Variants in GLIS3 observed in about 807,000 individuals in gnomAD.
The protein encoded by GLIS3 is GLIS family zinc finger 3, also known as zinc finger protein GLIS3.
GLIS3 carries 53 observed loss-of-function variants against 78.6 expected under a neutral mutation model. That is an observed-to-expected ratio of 0.67 (90% CI 0.54 to 0.85). GLIS3 has a LOEUF of 0.85. GLIS3 is among the 40% of genes least tolerant of loss of function. The pLI is 0.00. For missense variants in GLIS3, 1,703 were observed against 1,231.1 expected, an observed-to-expected ratio of 1.38 and a Z score of -5.74; for synonymous variants, 684 against 509.9, an observed-to-expected ratio of 1.34 and a Z score of -4.60.
At chr9:4,462,802 C>A in the GLIS3 span, among the ~76,000 whole-genome samples, 1 of 152,074 alleles carries the variant, frequency 6.6e-6, no homozygotes, top group African/African-American at 2.4e-5. Flanking sequence ...ACAGCAAGAT[C>A]TTGCCTCAAA....
chr9:3,968,769 A>G (rs1818154398), intron 4 of GLIS3, among the ~76,000 whole-genome samples: 1 of 152,240 alleles, frequency 6.6e-6, no homozygotes, highest in Non-Finnish European at 1.5e-5. Flanking sequence ...GTAATAGTAC[A>G]TTTCATTATT....
Position 3,910,619 on chromosome 9 carries a change from G to C in GLIS3, c.1984-11784C>G, listed in dbSNP as rs564806856. On this transcript the variant is annotated intron_variant, in intron 6 of 10. Transcript: ENST00000381971. ...TCCCACTTTGGCTTCCCAAGGTGCT[G>C]AGATTACAGAGGCAGGCCAAGTTTT... Among the ~76,000 whole-genome samples, 1,114 of 152,296 alleles carry C rather than the reference G, an allele frequency of 7.3e-3. 7 individuals are homozygous for C. Among genetic ancestry groups the C allele is most frequent in the Non-Finnish European group, 0.011 (777 of 68,020 alleles).
rs117335155 is a variant in GLIS3 at position 3,840,957 on chromosome 9, G to A, written c.2474-11465C>T. On this transcript the variant is annotated intron_variant, in intron 9 of 10. Coordinates refer to ENST00000381971, the MANE Select transcript of GLIS3 (RefSeq NM_001042413.2). ...GACTTATATACTCATTTCCAGGGAC[G>A]AGGTAGCAGAGAAGGAGGAGGTTCT... Among the ~76,000 whole-genome samples, 610 of 152,182 alleles carry A rather than the reference G, an allele frequency of 4.0e-3. 6 individuals are homozygous for A. The highest frequency in any genetic ancestry group is 6.8e-3 in the Non-Finnish European group (464 of 68,006).
intron 2 of GLIS3, among the ~76,000 whole-genome samples, chr9:4,169,061 G>A (rs1658068710): frequency 6.6e-6 from 1 of 152,166 alleles, no homozygotes; most frequent in Non-Finnish European, 1.5e-5. Flanking sequence ...CTTTAATGAG[G>A]AAGATGGGAG....
the GLIS3 span, among the ~76,000 whole-genome samples, chr9:4,466,284 C>T: frequency 3.4e-4 from 51 of 152,228 alleles, no homozygotes; most frequent in African/African-American, 1.2e-3. Flanking sequence ...CTGCCCAATA[C>T]CAATAAAAGA....
intron 4 of GLIS3, among the ~76,000 whole-genome samples, chr9:4,054,950 A>G (rs1563992073): frequency 6.6e-6 from 1 of 152,200 alleles, no homozygotes; most frequent in Non-Finnish European, 1.5e-5. Context: ...CAGCAGCTAC[A>G]AATGAGCCTT....
intron 2 of GLIS3, among the ~76,000 whole-genome samples, chr9:4,197,934 G>C (rs1467551512): frequency 6.9e-6 from 1 of 144,048 alleles, no homozygotes; most frequent in Non-Finnish European, 1.6e-5. Context: ...GAAAGGGAAA[G>C]GGAGAGGGAA....
At position 4,159,030 on chromosome 9, in the gene GLIS3, G is replaced by A. The variant is rs911974068; in HGVS notation, c.389-33089C>T. 1.6e-3 allele frequency among the ~76,000 whole-genome samples: 127 copies of A among 79,044 alleles called. 1 individual carries two copies. Among genetic ancestry groups the A allele is most frequent in the Non-Finnish European group, 2.1e-3 (86 of 40,612 alleles). 51.9% of individuals were successfully genotyped at this position (79,044 alleles called of 152,430 possible). A position where few individuals can be genotyped will look rare whatever the true frequency, so the allele number is the denominator to read the frequency against. On this transcript the variant is annotated intron_variant, in intron 2 of 10. Transcript: ENST00000381971. ...GCTTGGTATGCTAGAGAAAGGAGAA[G>A]AAGAAAAAAAAAAAAAAAAGCCAGG...
intron 2 of GLIS3, among the ~76,000 whole-genome samples, chr9:4,179,271 T>C (rs1052609855): frequency 5.9e-5 from 9 of 152,206 alleles, no homozygotes; most frequent in Admixed American, 3.3e-4. Flanking sequence ...AAAAAGTTAC[T>C]CTTCTTTCCC....
At chr9:4,068,530 T>C (rs574228382) in intron 4 of GLIS3, among the ~76,000 whole-genome samples, 1 of 152,344 alleles carries the variant, frequency 6.6e-6, no homozygotes, top group South Asian at 2.1e-4. Context: ...ATATCCTTTA[T>C]AGCTATTTTC....
intron 2 of GLIS3, among the ~76,000 whole-genome samples, chr9:4,311,136 C>T (rs962669504): frequency 2.0e-5 from 3 of 152,172 alleles, no homozygotes; most frequent in Admixed American, 6.5e-5. Context: ...TGGCCAGGCG[C>T]GGTGGCTGAT....
chr9:3,990,459 T>G (rs682613), intron 4 of GLIS3, among the ~76,000 whole-genome samples: 1 of 152,002 alleles, frequency 6.6e-6, no homozygotes, highest in East Asian at 1.9e-4. Flanking sequence ...ACCAGTAGCA[T>G]TGATCAGTGA....
intron 2 of GLIS3, among the ~76,000 whole-genome samples, chr9:4,176,925 C>CT (rs1353472074): frequency 6.6e-6 from 1 of 152,222 alleles, no homozygotes; most frequent in Non-Finnish European, 1.5e-5. Context: ...TGCCCGGCCT[C>CT]TTTTACCGTA....
At chr9:4,235,711 A>G (rs1388592709) in intron 2 of GLIS3, among the ~76,000 whole-genome samples, 1 of 151,078 alleles carries the variant, frequency 6.6e-6, no homozygotes, top group Non-Finnish European at 1.5e-5. Context: ...GTATTCCCCA[A>G]GCTAGAAAAA....
At chr9:4,008,982 C>T (rs1821783669) in intron 4 of GLIS3, among the ~76,000 whole-genome samples, 1 of 152,184 alleles carries the variant, frequency 6.6e-6, no homozygotes, top group Non-Finnish European at 1.5e-5. Flanking sequence ...GGTTGGCTTT[C>T]TGCAGTGCAT....
chr9:4,251,392 G>A (rs925681310), intron 2 of GLIS3, among the ~76,000 whole-genome samples: 3 of 148,928 alleles, frequency 2.0e-5, no homozygotes, highest in Admixed American at 6.7e-5. Flanking sequence ...ATCTTTGTTG[G>A]TTTAAAGTCT....
chr9:4,201,216 C>A (rs577959146), intron 2 of GLIS3, among the ~76,000 whole-genome samples: 2 of 152,210 alleles, frequency 1.3e-5, no homozygotes, highest in African/African-American at 4.8e-5. Context: ...TACAAACTCA[C>A]AGCCAATATC....
chr9:3,871,791 G>A (rs1426800267), intron 8 of GLIS3, among the ~76,000 whole-genome samples: 1 of 152,192 alleles, frequency 6.6e-6, no homozygotes. Flanking sequence ...AGATGCACTG[G>A]AGACATTTTC....
intron 4 of GLIS3, among the ~76,000 whole-genome samples, chr9:3,966,784 C>A (rs1409698216): frequency 2.0e-5 from 3 of 149,598 alleles, no homozygotes; most frequent in African/African-American, 4.9e-5. Context: ...AAAAAAAAAA[C>A]AAAAAACAAA....
Sources: gnomAD v4.1 joint callset for allele counts (sites outside exome capture counted in the v4.1 genomes callset) on GRCh38, gnomAD v4.1.1 for gene constraint, MANE v1.5 for transcripts, NCBI Gene and HGNC (gene_info 2026-07-23, HGNC 2026-07-21) for gene names.